LHFPL3: variants seen among roughly 807,000 people sequenced by gnomAD.
The protein encoded by LHFPL3 is LHFPL tetraspan subfamily member 3 protein.
A neutral mutation model predicts 19.3 loss-of-function variants in LHFPL3; 5 were observed. That is an observed-to-expected ratio of 0.26 (90% CI 0.14 to 0.54). LHFPL3 has a LOEUF of 0.54. Among genes scored for constraint, LHFPL3 ranks in the 20% least tolerant of loss-of-function variants. The pLI is 0.94. For synonymous variants in LHFPL3, 133 were observed against 126.2 expected, an observed-to-expected ratio of 1.05 and a Z score of -0.36; for missense variants, 249 against 307.4, an observed-to-expected ratio of 0.81 and a Z score of 1.42.
intron 1 of LHFPL3, among the ~76,000 whole-genome samples, chr7:104,681,169 T>G: frequency 6.7e-6 from 1 of 149,022 alleles, no homozygotes; most frequent in Non-Finnish European, 1.5e-5. Flanking sequence ...TTTTTTTTTT[T>G]TTGTTAGGGA....
intron 1 of LHFPL3, among the ~76,000 whole-genome samples, chr7:104,377,720 A>G (rs956480396): frequency 1.8e-4 from 27 of 152,308 alleles, no homozygotes; most frequent in Admixed American, 2.6e-4. Flanking sequence ...TTTCACTCCT[A>G]TCCCCACCTC....
chr7:104,560,806 C>G (rs1325922161), intron 1 of LHFPL3, among the ~76,000 whole-genome samples: 1 of 148,628 alleles, frequency 6.7e-6, no homozygotes, highest in Non-Finnish European at 1.5e-5. Context: ...CCTGCTTTCT[C>G]TTGTGGGCAT....
At chr7:104,453,729 T>C (rs1792488714) in intron 1 of LHFPL3, among the ~76,000 whole-genome samples, 1 of 152,136 alleles carries the variant, frequency 6.6e-6, no homozygotes, top group Non-Finnish European at 1.5e-5. Flanking sequence ...CATGAATGGC[T>C]TGTGCCATCC....
chr7:104,359,463 G>A (rs1187552879), intron 1 of LHFPL3, among the ~76,000 whole-genome samples: 3 of 152,238 alleles, frequency 2.0e-5, no homozygotes, highest in East Asian at 3.8e-4. Context: ...AAGTGTCAAT[G>A]TTCCCATCCT....
chr7:104,883,645 G>A (rs11561931), intron 2 of LHFPL3, among the ~76,000 whole-genome samples: 55,139 of 152,036 alleles, frequency 0.36, 11,018 homozygotes, highest in Middle Eastern at 0.46. Context: ...AGTGTGTAAC[G>A]TGTCACTGAG....
chr7:104,663,140 T>G (rs1215859762), intron 1 of LHFPL3, among the ~76,000 whole-genome samples: 1 of 152,348 alleles, frequency 6.6e-6, no homozygotes, highest in East Asian at 1.9e-4. Flanking sequence ...TTGAAAGTTT[T>G]CTAGTTCCTC....
At chr7:104,734,089 CA>C in intron 1 of LHFPL3, among the ~76,000 whole-genome samples, 1 of 152,202 alleles carries the variant, frequency 6.6e-6, no homozygotes, top group Non-Finnish European at 1.5e-5. Context: ...GCTGAGAGAT[CA>C]GCTGTTAGTC....
chr7:104,576,156 T>C (rs1234926185), intron 1 of LHFPL3, among the ~76,000 whole-genome samples: 1 of 150,796 alleles, frequency 6.6e-6, no homozygotes, highest in African/African-American at 2.4e-5. Context: ...AGAAAGAAGA[T>C]CCAGGAAAAA....
chr7:104,905,659 TATC>T (rs757707416), intron 2 of LHFPL3, among the ~76,000 whole-genome samples: 2 of 152,316 alleles, frequency 1.3e-5, no homozygotes, highest in Non-Finnish European at 2.9e-5. Context: ...ATGTTTAAAG[TATC>T]ATCTATACTG....
intron 1 of LHFPL3, 140 bp downstream of exon 1, chr7:104,329,364 G>A (rs1801527061): frequency 8.7e-7 from 1 of 1,147,096 alleles, no homozygotes; most frequent in Non-Finnish European, 1.2e-6. Flanking sequence ...AGGTGTGGGG[G>A]GCGGGAGCCC....
chr7:104,392,810 T>C (rs1791104035), intron 1 of LHFPL3, among the ~76,000 whole-genome samples: 1 of 152,204 alleles, frequency 6.6e-6, no homozygotes, highest in Non-Finnish European at 1.5e-5. Flanking sequence ...TGAATCTGTC[T>C]TGTCCTGGAC....
At chr7:104,684,624 G>A (rs1250481598) in intron 1 of LHFPL3, among the ~76,000 whole-genome samples, 2 of 152,216 alleles carry the variant, frequency 1.3e-5, no homozygotes, top group African/African-American at 4.8e-5. Context: ...AGGGTTGGCT[G>A]ACTTCTGCTC....
chr7:104,603,106 C>CTTTCTT (rs1791010187), intron 1 of LHFPL3, among the ~76,000 whole-genome samples: 1 of 131,616 alleles, frequency 7.6e-6, no homozygotes, highest in South Asian at 2.6e-4. Flanking sequence ...TTCTTTCTTT[C>CTTTCTT]TTTCTTTCTT....
Position 104,758,602 on chromosome 7 carries a change from A to C in LHFPL3, c.682+21691A>C, listed in dbSNP as rs962791376. On this transcript the variant is annotated intron_variant, in intron 2 of 2. Coordinates refer to ENST00000424859, the MANE Select transcript of LHFPL3 (RefSeq NM_199000.3). ...GGGAGCTTTCTGCACCCCACCAAAA[A>C]TATATAAATAAATAAAACTGAAGTG... Among the ~76,000 whole-genome samples the C allele has an allele frequency of 2.6e-5, 4 of 152,176 alleles. No homozygotes were observed. In the East Asian group the frequency reaches 7.7e-4, roughly 29 times the overall value.
chr7:104,591,558 C>A (rs887204440), intron 1 of LHFPL3, among the ~76,000 whole-genome samples: 26 of 152,190 alleles, frequency 1.7e-4, no homozygotes, highest in Non-Finnish European at 3.4e-4. Context: ...TTTTTTCCTT[C>A]ATTTCAACTT....
intron 1 of LHFPL3, among the ~76,000 whole-genome samples, chr7:104,603,889 C>T (rs1249346063): frequency 6.6e-6 from 1 of 152,146 alleles, no homozygotes; most frequent in Non-Finnish European, 1.5e-5. Flanking sequence ...GCAGCCCTGT[C>T]TCTATGGCTT....
At chr7:104,368,652 C>CGTGTGT (rs67849394) in intron 1 of LHFPL3, among the ~76,000 whole-genome samples, 18,541 of 150,086 alleles carry the variant, frequency 0.12, 1,205 homozygotes, top group African/African-American at 0.15. Flanking sequence ...CACACATGTA[C>CGTGTGT]GTGTGTGTGT....
chr7:104,801,008 C>A (rs1252560610), intron 2 of LHFPL3, among the ~76,000 whole-genome samples: 1 of 152,160 alleles, frequency 6.6e-6, no homozygotes, highest in Non-Finnish European at 1.5e-5. Flanking sequence ...GGTGATCAGG[C>A]ATATGGGACT....
intron 1 of LHFPL3, among the ~76,000 whole-genome samples, chr7:104,705,408 TCA>T (rs1793173495): frequency 6.6e-6 from 1 of 152,298 alleles, no homozygotes; most frequent in South Asian, 2.1e-4. Context: ...GCCATCATCT[TCA>T]GTTTGAGGTT....
Sources: gnomAD v4.1 joint callset for allele counts (sites outside exome capture counted in the v4.1 genomes callset) on GRCh38, gnomAD v4.1.1 for gene constraint, MANE v1.5 for transcripts, NCBI Gene and HGNC (gene_info 2026-07-23, HGNC 2026-07-21) for gene names.